The following RBPJ variants were observed in gnomAD, a reference collection of about 807,000 sequenced individuals.
RBPJ encodes the protein recombination signal binding protein for immunoglobulin kappa J region, also known as recombining binding protein suppressor of hairless.
Under a neutral mutation model 67.8 loss-of-function variants are expected in RBPJ, and 9 were observed. That is an observed-to-expected ratio of 0.13 (90% CI 0.08 to 0.23). The LOEUF is 0.23. Among genes scored for constraint, RBPJ ranks in the 10% least tolerant of loss-of-function variants. RBPJ has a pLI of 1.00. For missense variants in RBPJ, 305 were observed against 595.6 expected (o/e 0.51, Z 5.08); for synonymous variants, 198 against 203.3 (o/e 0.97, Z 0.22).
At chr4:26,308,015 G>A (rs552558617) in intron 1 of RBPJ, among the ~76,000 whole-genome samples, 1 of 152,182 alleles carries the variant, frequency 6.6e-6, no homozygotes, top group African/African-American at 2.4e-5. Flanking sequence ...GGTGGCTCAC[G>A]CCTGTAATCC....
chr4:26,409,902 A>G (rs1733851147), intron 3 of RBPJ: 3 of 333,474 alleles, frequency 9.0e-6, no homozygotes, highest in Non-Finnish European at 1.7e-5. Flanking sequence ...TAAAAAATGA[A>G]CAAAAATGAT....
At chr4:26,258,996 G>A (rs547201361) in intron 1 of RBPJ, among the ~76,000 whole-genome samples, 47 of 152,068 alleles carry the variant, frequency 3.1e-4, no homozygotes, top group African/African-American at 1.1e-3. Context: ...TAGAGATGGG[G>A]TTTCACCATG....
chr4:26,365,830 TA>T (rs1201287116), intron 1 of RBPJ, among the ~76,000 whole-genome samples: 2 of 151,998 alleles, frequency 1.3e-5, no homozygotes, highest in Non-Finnish European at 2.9e-5. Context: ...AGAGAGTATC[TA>T]AGGAATAGAG....
intron 1 of RBPJ, among the ~76,000 whole-genome samples, chr4:26,385,240 C>T (rs532699448): frequency 2.6e-5 from 4 of 151,714 alleles, no homozygotes; most frequent in Admixed American, 2.0e-4. Context: ...AGGCTGGTCT[C>T]GAACTCCTGA....
At chr4:26,397,591 A>G (rs751008907) in intron 2 of RBPJ, among the ~76,000 whole-genome samples, 1 of 152,076 alleles carries the variant, frequency 6.6e-6, no homozygotes, top group Non-Finnish European at 1.5e-5. Context: ...GCCACATACT[A>G]TCTCTGTTGC....
At chr4:26,198,960 G>A (rs1460579310) in intron 1 of RBPJ, among the ~76,000 whole-genome samples, 2 of 152,120 alleles carry the variant, frequency 1.3e-5, no homozygotes, top group Non-Finnish European at 2.9e-5. Flanking sequence ...ATTTTTAAGT[G>A]TACCGTTCTG....
At chr4:26,220,037 C>A (rs962346424) in intron 1 of RBPJ, among the ~76,000 whole-genome samples, 1 of 152,048 alleles carries the variant, frequency 6.6e-6, no homozygotes, top group Non-Finnish European at 1.5e-5. Context: ...CCCGCCTTGG[C>A]CTCCCGAAGT....
intron 1 of RBPJ, among the ~76,000 whole-genome samples, chr4:26,244,188 CATATATGTGTCT>C (rs1167160217): frequency 5.5e-5 from 8 of 145,218 alleles, no homozygotes; most frequent in African/African-American, 1.3e-4. Flanking sequence ...TATATGTATA[CATATATGTGTCT>C]ATATATGTAT....
chr4:26,184,102 A>G (rs552747160), intron 1 of RBPJ, among the ~76,000 whole-genome samples: 7 of 151,872 alleles, frequency 4.6e-5, no homozygotes, highest in African/African-American at 1.7e-4. Context: ...GAATCGCTTG[A>G]ACCTGGGAGG....
At chr4:26,242,528 G>C (rs1056694734) in intron 1 of RBPJ, among the ~76,000 whole-genome samples, 4 of 151,610 alleles carry the variant, frequency 2.6e-5, no homozygotes, top group Admixed American at 1.3e-4. Flanking sequence ...AAGACCCTTT[G>C]AGGTAAGAAG....
At chr4:26,351,912 C>G (rs1726845047) in intron 1 of RBPJ, among the ~76,000 whole-genome samples, 1 of 152,092 alleles carries the variant, frequency 6.6e-6, no homozygotes, top group Admixed American at 6.5e-5. Flanking sequence ...TCTAGATGTT[C>G]TATTAAGAAA....
the RBPJ span, among the ~76,000 whole-genome samples, chr4:26,139,085 C>T: frequency 6.6e-6 from 1 of 152,212 alleles, no homozygotes; most frequent in Non-Finnish European, 1.5e-5. Context: ...GAGCCCATCA[C>T]AGCAGCCAGA....
intron 1 of RBPJ, among the ~76,000 whole-genome samples, chr4:26,291,833 C>A (rs897919867): frequency 2.0e-5 from 3 of 150,806 alleles, no homozygotes; most frequent in African/African-American, 7.3e-5. Context: ...GCCTCGGCCT[C>A]CCAAAGGTCT....
intron 2 of RBPJ, among the ~76,000 whole-genome samples, chr4:26,395,867 T>A (rs1560320778): frequency 6.6e-6 from 1 of 152,356 alleles, no homozygotes; most frequent in East Asian, 1.9e-4. Context: ...CTCTTCCCTA[T>A]CCATAGCATG....
the RBPJ span, among the ~76,000 whole-genome samples, chr4:26,157,091 AAAC>A: frequency 9.0e-4 from 25 of 27,654 alleles, no homozygotes; most frequent in East Asian, 3.0e-3. Context: ...ACAAACAAAC[AAAC>A]AAACAAAAAC....
chr4:26,162,724 A>G (rs1392620614), upstream of RBPJ, among the ~76,000 whole-genome samples: 1 of 152,230 alleles, frequency 6.6e-6, no homozygotes. Flanking sequence ...CTCCGAGCAC[A>G]TGTCCTCATC....
At chr4:26,137,058 G>C in the RBPJ span, among the ~76,000 whole-genome samples, 1 of 152,326 alleles carries the variant, frequency 6.6e-6, no homozygotes, top group African/African-American at 2.4e-5. Context: ...TGGAAGAAGT[G>C]CCCCTGCCTT....
intron 2 of RBPJ, 79 bp downstream of exon 2, chr4:26,386,470 T>C (rs548850367): frequency 3.3e-6 from 3 of 922,662 alleles, no homozygotes; most frequent in African/African-American, 3.4e-5. Context: ...ATTATATTAA[T>C]AGGTACCCTT....
At chr4:26,394,287 A>G (rs1010459710) in intron 2 of RBPJ, among the ~76,000 whole-genome samples, 1 of 152,122 alleles carries the variant, frequency 6.6e-6, no homozygotes, top group Non-Finnish European at 1.5e-5. Context: ...TTGGCCTCCC[A>G]AAATGCTGGG....
Sources: gnomAD v4.1 joint callset for allele counts (sites outside exome capture counted in the v4.1 genomes callset) on GRCh38, gnomAD v4.1.1 for gene constraint, MANE v1.5 for transcripts, NCBI Gene and HGNC (gene_info 2026-07-23, HGNC 2026-07-21) for gene names.